FGGY: variants seen among roughly 807,000 people sequenced by gnomAD.
FGGY encodes the protein FGGY carbohydrate kinase domain containing.
A neutral mutation model predicts 71.3 loss-of-function variants in FGGY; 72 were observed. The ratio of observed to expected loss-of-function variants is 1.01; its 90% confidence interval spans 0.84 to 1.23. The LOEUF (loss-of-function observed/expected upper bound fraction) is 1.23, where lower values mean the gene tolerates loss of function less well. FGGY is among the 50% of genes most tolerant of loss of function. FGGY has a pLI of 0.00. For synonymous variants in FGGY, 251 were observed against 250.3 expected (o/e 1.00, Z -0.02); for missense variants, 668 against 682.3 (o/e 0.98, Z 0.23).
chr1:59,322,493 C>T (rs2046585712), intron 2 of FGGY, among the ~76,000 whole-genome samples: 1 of 152,118 alleles, frequency 6.6e-6, no homozygotes, highest in Non-Finnish European at 1.5e-5. Context: ...CATTCCTATA[C>T]CTTTGCCTCC....
chr1:59,471,382 C>A (rs2092932853), intron 6 of FGGY, among the ~76,000 whole-genome samples: 1 of 152,118 alleles, frequency 6.6e-6, no homozygotes, highest in African/African-American at 2.4e-5. Flanking sequence ...TCAGGTATTT[C>A]TTTATAGCAA....
At position 59,598,615 on chromosome 1, in the gene FGGY, G is replaced by T. The variant is rs189330071; in HGVS notation, c.904-9188G>T. On this transcript the variant is annotated intron_variant, in intron 8 of 15. Coordinates refer to ENST00000303721, the MANE Select transcript of FGGY (RefSeq NM_018291.5). ...CAGGAGATACCTGTGGATAGGTTTTGTGTGTATCTTGTTTTGCTGAGACTG... is the reference window on the plus strand; with the variant it reads ...CAGGAGATACCTGTGGATAGGTTTTTTGTGTATCTTGTTTTGCTGAGACTG... 2.0e-4 allele frequency among the ~76,000 whole-genome samples: 30 copies of T among 152,248 alleles called. No individual in the cohort carries two copies. The East Asian group carries it at 5.8e-3, about 29-fold the overall frequency.
At chr1:59,395,862 G>A (rs2061264103) in intron 5 of FGGY, among the ~76,000 whole-genome samples, 1 of 152,102 alleles carries the variant, frequency 6.6e-6, no homozygotes, top group African/African-American at 2.4e-5. Flanking sequence ...TTGCCATAAT[G>A]GTTCCTTGCC....
chr1:59,727,981 C>T (rs2097969154), intron 14 of FGGY, among the ~76,000 whole-genome samples: 2 of 152,194 alleles, frequency 1.3e-5, no homozygotes, highest in East Asian at 1.9e-4. Context: ...TTTTAATCAT[C>T]TCTGGCAATT....
At chr1:59,296,406 T>G (rs1216256059), upstream of FGGY, among the ~76,000 whole-genome samples, 1 of 152,260 alleles carries the variant, frequency 6.6e-6, no homozygotes, top group Admixed American at 6.5e-5. Flanking sequence ...GTAAACGGTC[T>G]GACACACACA....
intron 4 of FGGY, among the ~76,000 whole-genome samples, chr1:59,376,254 G>A (rs966274358): frequency 6.6e-6 from 1 of 152,162 alleles, no homozygotes; most frequent in Non-Finnish European, 1.5e-5. Context: ...TAGAATGGGC[G>A]TTCAAAGAGA....
intron 7 of FGGY, among the ~76,000 whole-genome samples, chr1:59,534,478 G>C (rs1281561882): frequency 6.6e-6 from 1 of 151,852 alleles, no homozygotes; most frequent in East Asian, 1.9e-4. Flanking sequence ...GAAATACAGA[G>C]AACGCCACAA....
At chr1:59,330,679 A>T (rs1570476472) in intron 2 of FGGY, among the ~76,000 whole-genome samples, 1 of 152,212 alleles carries the variant, frequency 6.6e-6, no homozygotes. Flanking sequence ...TCTTAAGAGA[A>T]GACAATTGGA....
chr1:59,377,386 A>G (rs954042110), intron 4 of FGGY, among the ~76,000 whole-genome samples: 3 of 152,196 alleles, frequency 2.0e-5, no homozygotes, highest in African/African-American at 7.2e-5. Context: ...AAGCAAACAC[A>G]TCCTTCTGTA....
chr1:59,416,844 T>C (rs1360474088), intron 5 of FGGY, among the ~76,000 whole-genome samples: 1 of 152,204 alleles, frequency 6.6e-6, no homozygotes, highest in Admixed American at 6.5e-5. Context: ...TTAAGTCCCA[T>C]GGCCACTCTT....
At chr1:59,476,729 T>C (rs1037321880) in intron 6 of FGGY, among the ~76,000 whole-genome samples, 2 of 152,214 alleles carry the variant, frequency 1.3e-5, no homozygotes, top group African/African-American at 4.8e-5. Context: ...TATTAGTAAA[T>C]TATAGATCTA....
intron 5 of FGGY, among the ~76,000 whole-genome samples, chr1:59,430,930 G>A (rs1436956054): frequency 6.6e-6 from 1 of 152,036 alleles, no homozygotes; most frequent in East Asian, 1.9e-4. Flanking sequence ...AAATAAATTT[G>A]CTTTTCTTTC....
chr1:59,537,662 G>T (rs28799105), intron 7 of FGGY, among the ~76,000 whole-genome samples: 25,195 of 151,658 alleles, frequency 0.17, 2,471 homozygotes, highest in South Asian at 0.33. Context: ...TAGATCAATG[G>T]AACAGAACAG....
intron 6 of FGGY, among the ~76,000 whole-genome samples, chr1:59,504,117 G>A (rs1472211293): frequency 6.6e-6 from 1 of 151,936 alleles, no homozygotes; most frequent in Non-Finnish European, 1.5e-5. Context: ...AAACCCAAGA[G>A]TACAGGGTTT....
chr1:59,479,645 T>C (rs920863124), intron 6 of FGGY, among the ~76,000 whole-genome samples: 7 of 152,172 alleles, frequency 4.6e-5, no homozygotes, highest in African/African-American at 1.7e-4. Flanking sequence ...GATGATCTTC[T>C]GACAGAGTGG....
chr1:59,667,109 C>T (rs1206743308), intron 12 of FGGY, among the ~76,000 whole-genome samples, 174 bp from the exon 13 acceptor site: 2 of 152,150 alleles, frequency 1.3e-5, no homozygotes, highest in Non-Finnish European at 2.9e-5. Flanking sequence ...TCCCACTCTG[C>T]GATTTAAGTA....
chr1:59,650,952 C>T (rs1323164503), intron 11 of FGGY, among the ~76,000 whole-genome samples: 3 of 151,080 alleles, frequency 2.0e-5, no homozygotes, highest in African/African-American at 7.4e-5. Flanking sequence ...TACGTTGTGT[C>T]TTTGTTCTCG....
chr1:59,301,126 G>A (rs998200917), intron 1 of FGGY, among the ~76,000 whole-genome samples: 2 of 152,060 alleles, frequency 1.3e-5, no homozygotes, highest in African/African-American at 4.8e-5. Context: ...ATTTATTTAA[G>A]TCTTCCTTAT....
intron 6 of FGGY, among the ~76,000 whole-genome samples, chr1:59,478,960 G>A (rs545234135): frequency 1.3e-5 from 2 of 152,292 alleles, no homozygotes; most frequent in Non-Finnish European, 2.9e-5. Flanking sequence ...GTGACTCGGG[G>A]ACCTTAGTGA....
Sources: allele counts gnomAD v4.1 joint callset (sites outside exome capture counted in the v4.1 genomes callset), GRCh38; gene constraint gnomAD v4.1.1; transcripts MANE v1.5; gene names NCBI Gene and HGNC (gene_info 2026-07-23, HGNC 2026-07-21).